Variants in SLC7A2 observed in about 807,000 individuals in gnomAD.
SLC7A2 encodes the protein cationic amino acid transporter 2.
In SLC7A2, 48 loss-of-function variants were observed where a neutral mutation model predicts 58.9. The ratio of observed to expected loss-of-function variants is 0.82; its 90% CI spans 0.65 to 1.04. The LOEUF (loss-of-function observed/expected upper bound fraction) is 1.04. Ranked by LOEUF, SLC7A2 falls within the 50% of genes least tolerant of loss-of-function variation. The pLI, the probability that SLC7A2 is intolerant of heterozygous loss-of-function variation, is 0.00. For synonymous variants in SLC7A2, 363 were observed against 314.5 expected (o/e 1.15, Z -1.63); for missense variants, 1,029 against 818.8 (o/e 1.26, Z -3.13).
chr8:17,546,381 A>T (rs1802173785), intron 4 of SLC7A2, among the ~76,000 whole-genome samples: 1 of 152,180 alleles, frequency 6.6e-6, no homozygotes, highest in South Asian at 2.1e-4. Context: ...AAAACCTCCT[A>T]TGTAAATCCC....
In SLC7A2 at chr8:17,513,109, T is replaced by C. The variant is rs59440661; in HGVS notation, c.-23+10807T>C. 9.8e-5 allele frequency among the ~76,000 whole-genome samples: 15 copies of C among 152,358 alleles called. No individual in the cohort carries two copies. In the East Asian group the frequency reaches 2.5e-3, roughly 25 times the overall value. ...TGATTGCTTTCATGAACGATGCTGCTGTGAACGTGGCTGTGCAAATATCTC... is the reference window on the plus strand; with the variant it reads ...TGATTGCTTTCATGAACGATGCTGCCGTGAACGTGGCTGTGCAAATATCTC... On this transcript the variant is annotated intron_variant, in intron 2 of 12. Coordinates refer to ENST00000494857, the MANE Select transcript of SLC7A2 (RefSeq NM_001370338.1).
At chr8:17,523,375 C>T (rs909780893) in intron 2 of SLC7A2, among the ~76,000 whole-genome samples, 3 of 152,126 alleles carry the variant, frequency 2.0e-5, no homozygotes, top group African/African-American at 7.2e-5. Context: ...TACCATAAGG[C>T]CATAGTCACC....
At chr8:17,527,903 T>C (rs900812118) in intron 2 of SLC7A2, among the ~76,000 whole-genome samples, 4 of 152,166 alleles carry the variant, frequency 2.6e-5, no homozygotes, top group Non-Finnish European at 4.4e-5. Flanking sequence ...GTAAAATCTG[T>C]CTTCATCTAA....
At chr8:17,538,805 C>A in intron 2 of SLC7A2, 1 of 1,613,350 alleles carries the variant, frequency 6.2e-7, no homozygotes, top group South Asian at 1.1e-5. Flanking sequence ...AGATGTCTCA[C>A]CACGAAACTA....
intron 4 of SLC7A2, among the ~76,000 whole-genome samples, chr8:17,547,400 G>A (rs1356225112): frequency 6.6e-6 from 1 of 152,120 alleles, no homozygotes; most frequent in Non-Finnish European, 1.5e-5. Flanking sequence ...CATGATACAT[G>A]GGGATTATGG....
At chr8:17,561,879 T>A in intron 10 of SLC7A2, 65 bp from the exon 11 acceptor site, 1 of 1,503,764 alleles carries the variant, frequency 6.6e-7, no homozygotes, top group Non-Finnish European at 9.2e-7. Context: ...AATATGCTGT[T>A]TTGCACCAAG....
intron 2 of SLC7A2, among the ~76,000 whole-genome samples, chr8:17,506,505 C>T (rs1800368883): frequency 6.6e-6 from 1 of 152,146 alleles, no homozygotes; most frequent in South Asian, 2.1e-4. Flanking sequence ...TTTCTAGCCT[C>T]CCTCGCCGTG....
rs369941969 is a variant in SLC7A2 at position 17,569,129 on chromosome 8, G to A, written c.*3983G>A. On this transcript the variant is annotated 3_prime_UTR_variant, in exon 13 of 13. Coordinates refer to ENST00000494857, the MANE Select transcript of SLC7A2 (RefSeq NM_001370338.1). ...CTTGCCTTCCCTCCTCTTAAATCAGGGTGTGTTCCGAGATTACAGAACATC... is the reference window on the plus strand; with the variant it reads ...CTTGCCTTCCCTCCTCTTAAATCAGAGTGTGTTCCGAGATTACAGAACATC... 5.2e-4 allele frequency: 79 copies of A among 152,054 alleles called. No homozygotes were observed. The highest frequency in any genetic ancestry group is 1.8e-3 in the African/African-American group (76 of 41,470). 9.4% of individuals were successfully genotyped at this position (152,054 alleles called of 1,614,324 possible).
chr8:17,547,467 A>G lies in SLC7A2; in HGVS notation c.533-1211A>G, dbSNP rs79549881. 8.1e-3 allele frequency among the ~76,000 whole-genome samples: 1,227 copies of G among 152,280 alleles called. 12 individuals are homozygous for G. Among genetic ancestry groups the G allele is most frequent in the African/African-American group, 0.028 (1,147 of 41,536 alleles). On this transcript the variant is annotated intron_variant, in intron 4 of 12. Transcript: ENST00000494857. ...GACACAGCCAAATCATATAATCAAT[A>G]TGAATAGAATATCCTAATAGAAAAA...
At position 17,560,631 on chromosome 8, in the gene SLC7A2, T is replaced by C; in HGVS notation, c.1504+98T>C. The C allele has an allele frequency of 8.1e-6, 8 of 991,328 alleles. No homozygotes were observed. In the South Asian group the frequency reaches 8.3e-5, roughly 10 times the overall value. The allele number at this position is 991,328 out of a possible 1,614,324, so 61.4% of individuals were successfully genotyped here. ...GAGAAAAGAGGGCCTAACATTGCCCTAGAATATATTAGCAACCACCCTGAA... is the reference window on the plus strand; with the variant it reads ...GAGAAAAGAGGGCCTAACATTGCCCCAGAATATATTAGCAACCACCCTGAA... On this transcript the variant is annotated intron_variant, in intron 10 of 12. Transcript: ENST00000494857.
chr8:17,562,301 G>A (rs150236761), intron 11 of SLC7A2, among the ~76,000 whole-genome samples, 191 bp downstream of exon 11: 2,554 of 146,060 alleles, frequency 0.017, 38 homozygotes, highest in Non-Finnish European at 0.026. Context: ...TGCCTCCCGG[G>A]TTCAAGCACT....
At position 17,560,391 on chromosome 8, in the gene SLC7A2, G is replaced by A. The variant is rs759563814; in HGVS notation, c.1362G>A (p.Ser454=). 23 of 1,613,922 alleles carry A rather than the reference G, an allele frequency of 1.4e-5. No homozygotes were observed. The highest frequency in any genetic ancestry group is 5.0e-5 in the Admixed American group (3 of 60,000). Residue 454 remains serine, a synonymous_variant, in exon 10 of 13, where the codon TCG becomes TCA. Coordinates refer to ENST00000494857, the MANE Select transcript of SLC7A2 (RefSeq NM_001370338.1). The part of the protein sequence containing the change: ...KCSPEKDGLG[S]SPRVTSKSES... ...CTCCTGAGAAAGATGGTCTGGGATC[G>A]TCTCCCAGGGTAACCTCGAAGAGTG...
chr8:17,546,011 A>G (rs566540527), intron 4 of SLC7A2, among the ~76,000 whole-genome samples: 1 of 152,234 alleles, frequency 6.6e-6, no homozygotes, highest in Non-Finnish European at 1.5e-5. Context: ...AAGTGCGTAG[A>G]TCTAAAATGT....
At chr8:17,534,770 T>G (rs920851621) in intron 2 of SLC7A2, among the ~76,000 whole-genome samples, 1 of 151,702 alleles carries the variant, frequency 6.6e-6, no homozygotes, top group Non-Finnish European at 1.5e-5. Context: ...TCTGACATAA[T>G]TTGTTGATTC....
At chr8:17,555,352 A>G (rs1444226260) in intron 8 of SLC7A2, among the ~76,000 whole-genome samples, 1 of 152,160 alleles carries the variant, frequency 6.6e-6, no homozygotes, top group African/African-American at 2.4e-5. Flanking sequence ...ACAAAGGGTT[A>G]TAATAGCTCT....
At chr8:17,518,416 G>C (rs778395750) in intron 2 of SLC7A2, among the ~76,000 whole-genome samples, 1 of 152,112 alleles carries the variant, frequency 6.6e-6, no homozygotes, top group Non-Finnish European at 1.5e-5. Flanking sequence ...AGTTTAGAAT[G>C]TGTACTTCAT....
chr8:17,533,766 TATTTA>T (rs935298753), intron 2 of SLC7A2, among the ~76,000 whole-genome samples: 2 of 152,208 alleles, frequency 1.3e-5, no homozygotes, highest in Non-Finnish European at 2.9e-5. Context: ...ACAGGCTATT[TATTTA>T]AAGTTCCAGA....
At chr8:17,494,478 C>T (rs1799912979), upstream of SLC7A2, among the ~76,000 whole-genome samples, 1 of 152,106 alleles carries the variant, frequency 6.6e-6, no homozygotes, top group South Asian at 2.1e-4. Context: ...GGCAATAAAC[C>T]AGGGAGCGTG....
chr8:17,506,632 G>A (rs1235015356), intron 2 of SLC7A2, among the ~76,000 whole-genome samples: 1 of 152,218 alleles, frequency 6.6e-6, no homozygotes, highest in Non-Finnish European at 1.5e-5. Flanking sequence ...CTTGAGAGGT[G>A]TAACTCATCT....
Sources: gnomAD v4.1 joint callset for allele counts (sites outside exome capture counted in the v4.1 genomes callset) on GRCh38, gnomAD v4.1.1 for gene constraint, MANE v1.5 for transcripts, NCBI Gene and HGNC (gene_info 2026-07-23, HGNC 2026-07-21) for gene names.